Variants in METAP1 observed in about 807,000 individuals in gnomAD.
The protein encoded by METAP1 is methionyl aminopeptidase 1.
A neutral mutation model predicts 53.8 loss-of-function variants in METAP1; 28 were observed. That is an observed-to-expected ratio of 0.52 (90% CI 0.39 to 0.71). METAP1 has a LOEUF of 0.71. Ranked by LOEUF, METAP1 falls within the 30% of genes least tolerant of loss-of-function variation. The probability of loss-of-function intolerance (pLI) is 0.00; values close to 1 mark genes in which losing one functional copy is unlikely to be tolerated. For missense variants in METAP1, 389 were observed against 479.8 expected, an observed-to-expected ratio of 0.81 and a Z score of 1.77; for synonymous variants, 181 against 165.7, an observed-to-expected ratio of 1.09 and a Z score of -0.71.
At chr4:99,019,467 C>T (rs1040403167) in intron 1 of METAP1, among the ~76,000 whole-genome samples, 9 of 152,118 alleles carry the variant, frequency 5.9e-5, no homozygotes, top group African/African-American at 1.7e-4. Context: ...TCTTGTCCCC[C>T]TTCTTGTTCT....
intron 1 of METAP1, among the ~76,000 whole-genome samples, chr4:99,003,558 A>G (rs1309302330): frequency 6.6e-6 from 1 of 152,252 alleles, no homozygotes; most frequent in African/African-American, 2.4e-5. Flanking sequence ...TGATAGAGAA[A>G]AATGTGAATG....
chr4:99,022,710 G>C (rs899557591), intron 1 of METAP1: 2 of 1,503,764 alleles, frequency 1.3e-6, no homozygotes, highest in African/African-American at 2.8e-5. Flanking sequence ...AGATTCCATA[G>C]GTCATAATGG....
intron 10 of METAP1, 74 bp from the exon 11 acceptor site, chr4:99,061,080 T>A: frequency 6.7e-7 from 1 of 1,494,608 alleles, no homozygotes. Context: ...AGTGAATTTT[T>A]TCCTTGGCTT....
rs151003595 is a variant in METAP1 at position 99,026,535 on chromosome 4, TGTG to T, written c.115-2328_115-2326del. The stretch of plus-strand genomic sequence containing the variant: ...TATACAAAGGGAAGAGATTGGGAAG[TGTG>T]GTGTTTGCCTGGGGACCTCTAAATC... On this transcript the variant is annotated intron_variant, in intron 1 of 10. Coordinates refer to ENST00000296411, the MANE Select transcript of METAP1 (RefSeq NM_015143.3). 554 of 985,290 alleles carry T rather than the reference TGTG, an allele frequency of 5.6e-4. 5 individuals are homozygous for T. The African/African-American group carries it at 9.1e-3, about 16-fold the overall frequency. The allele number at this position is 985,290 out of a possible 1,614,324, so 61.0% of individuals were successfully genotyped here. A position where few individuals can be genotyped will look rare whatever the true frequency, so the allele number is the denominator to read the frequency against.
intron 9 of METAP1, among the ~76,000 whole-genome samples, chr4:99,053,452 T>G (rs908409452): frequency 1.3e-5 from 2 of 152,232 alleles, no homozygotes; most frequent in Admixed American, 1.3e-4. Flanking sequence ...GGGATTTTAC[T>G]GTGTTGCCCA....
rs1336233190 is a variant in METAP1 at position 99,034,320 on chromosome 4, A to G, written c.257A>G (p.Lys86Arg). ...DPWAGYRYTGKLRPHYPLMPT... is the reference protein window; with the variant it reads ...DPWAGYRYTGRLRPHYPLMPT... ...TGGGCAGGTTATCGATATACTGGTA[A>G]ACTCAGACCACATTATCCACTGGTG... Residue 86 changes from lysine to arginine, a missense_variant, in exon 3 of 11, where the codon AAA (lysine) becomes AGA (arginine). Lys to Arg is a conservative substitution (Grantham distance 26). Transcript: ENST00000296411. 25 of 1,536,774 alleles carry G rather than the reference A, an allele frequency of 1.6e-5. No homozygotes were observed. Among genetic ancestry groups the G allele is most frequent in the Non-Finnish European group, 2.1e-5 (24 of 1,133,632 alleles).
At chr4:99,060,360 CTT>C (rs35135230) in intron 10 of METAP1, among the ~76,000 whole-genome samples, 2,454 of 103,482 alleles carry the variant, frequency 0.024, 14 homozygotes, top group Non-Finnish European at 0.036. Flanking sequence ...TAAGCACATG[CTT>C]TTTTTTTTTT....
chr4:99,020,386 C>T (rs190973674), intron 1 of METAP1, among the ~76,000 whole-genome samples: 23 of 152,230 alleles, frequency 1.5e-4, no homozygotes, highest in South Asian at 4.1e-4. Context: ...TCTTCGGAAG[C>T]GCAGGGAAAG....
intron 6 of METAP1, among the ~76,000 whole-genome samples, chr4:99,041,640 T>TA (rs1431301799): frequency 6.6e-6 from 1 of 151,580 alleles, no homozygotes; most frequent in Non-Finnish European, 1.5e-5. Context: ...ATATGAATTT[T>TA]AAAAAAAAGA....
At chr4:99,043,454 T>A in intron 7 of METAP1, 67 bp downstream of exon 7, 1 of 1,485,880 alleles carries the variant, frequency 6.7e-7, no homozygotes, top group Non-Finnish European at 9.0e-7. Context: ...AATCTGACAG[T>A]GACTTGTGTT....
intron 2 of METAP1, chr4:99,031,701 T>G: frequency 1.2e-6 from 1 of 822,138 alleles, no homozygotes; most frequent in Non-Finnish European, 1.8e-6. Flanking sequence ...CTGGAAGACT[T>G]GAGTCAGAAT....
At position 99,041,028 on chromosome 4, in the gene METAP1, G is replaced by A. The variant is rs909936021; in HGVS notation, c.433-15G>A. 6.3e-6 allele frequency: 10 copies of A among 1,594,506 alleles called. No homozygotes were observed. Among genetic ancestry groups the A allele is most frequent in the Admixed American group, 1.7e-5 (1 of 59,094 alleles). On this transcript the variant is annotated splice_polypyrimidine_tract_variant and intron_variant, in intron 5 of 10. Transcript: ENST00000296411. ...CTGTGTCTTTTTTAATGTATTGAGTGTTCCTTTTTTACAGCTTGCTAGAGA... is the reference window on the plus strand; with the variant it reads ...CTGTGTCTTTTTTAATGTATTGAGTATTCCTTTTTTACAGCTTGCTAGAGA...
intron 1 of METAP1, among the ~76,000 whole-genome samples, chr4:99,027,143 G>A (rs575178455): frequency 1.3e-5 from 2 of 152,342 alleles, no homozygotes; most frequent in South Asian, 2.1e-4. Context: ...AATGATGGCT[G>A]TGTAGACCCA....
In METAP1 at chr4:99,007,887, C is replaced by T. The variant is rs376343584; in HGVS notation, c.114+12020C>T. ...TCCCAGCCCCAGATCTGCAATCAGT[C>T]TTGTTTCTAAGCAGCCCTGGTTTCT... On this transcript the variant is annotated intron_variant, in intron 1 of 10. Coordinates refer to ENST00000296411, the MANE Select transcript of METAP1 (RefSeq NM_015143.3). 1.6e-4 allele frequency among the ~76,000 whole-genome samples: 25 copies of T among 152,332 alleles called. No individual in the cohort carries two copies. In the East Asian group the frequency reaches 3.1e-3, roughly 19 times the overall value.
At chr4:99,009,697 C>G (rs1232159398) in intron 1 of METAP1, among the ~76,000 whole-genome samples, 1 of 152,006 alleles carries the variant, frequency 6.6e-6, no homozygotes, top group Non-Finnish European at 1.5e-5. Flanking sequence ...AAGTCTTTTG[C>G]CCATTTTAAA....
At chr4:99,018,999 AC>A (rs1212379829) in intron 1 of METAP1, among the ~76,000 whole-genome samples, 1 of 152,040 alleles carries the variant, frequency 6.6e-6, no homozygotes. Flanking sequence ...GAGGGAAGGA[AC>A]CCCTTTGGCC....
At chr4:99,021,713 G>A (rs1015852031) in intron 1 of METAP1, among the ~76,000 whole-genome samples, 8 of 152,164 alleles carry the variant, frequency 5.3e-5, no homozygotes, top group African/African-American at 1.9e-4. Flanking sequence ...CATTGGCTGG[G>A]ATGGGACCTC....
chr4:99,014,830 G>T (rs1225921789), intron 1 of METAP1, among the ~76,000 whole-genome samples: 1 of 152,196 alleles, frequency 6.6e-6, no homozygotes, highest in Non-Finnish European at 1.5e-5. Flanking sequence ...TCATGGGTTA[G>T]CTCTTAGAAG....
At chr4:99,035,925 G>T (rs936915305) in intron 4 of METAP1, 2 of 154,748 alleles carry the variant, frequency 1.3e-5, no homozygotes, top group East Asian at 3.8e-4. Flanking sequence ...ATAATAACTG[G>T]TATTTATTTT....
Sources: gnomAD v4.1 joint callset for allele counts (sites outside exome capture counted in the v4.1 genomes callset) on GRCh38, gnomAD v4.1.1 for gene constraint, MANE v1.5 for transcripts, NCBI Gene and HGNC (gene_info 2026-07-23, HGNC 2026-07-21) for gene names.